Variants in HTR2C observed in about 807,000 individuals in gnomAD.
HTR2C encodes the protein 5-hydroxytryptamine (serotonin) receptor 2C, G protein-coupled.
In HTR2C, 5 loss-of-function variants were observed where a neutral mutation model predicts 21.0. The ratio of observed to expected loss-of-function variants is 0.24; its 90% CI spans 0.12 to 0.50. The LOEUF is 0.50. Ranked by LOEUF, HTR2C falls within the 20% of genes least tolerant of loss-of-function variation. HTR2C has a pLI of 0.98. For synonymous variants in HTR2C, 150 were observed against 145.3 expected (o/e 1.03, Z -0.23); for missense variants, 271 against 371.2 (o/e 0.73, Z 2.22).
At chrX:114,761,045 C>T (rs1460677538) in intron 4 of HTR2C, among the ~76,000 whole-genome samples, 1 of 111,018 alleles carries the variant, frequency 9.0e-6, no homozygotes, top group Non-Finnish European at 1.9e-5. Context: ...CATTTTTTTT[C>T]TTAATTAGAG....
In HTR2C at chrX:114,795,275, G is replaced by A. The variant is rs781902087; in HGVS notation, c.350-52728G>A. Among the ~76,000 whole-genome samples, 488 of 111,445 alleles carry A rather than the reference G, an allele frequency of 4.4e-3. 2 individuals carry two copies. Among genetic ancestry groups the A allele is most frequent in the African/African-American group, 0.015 (460 of 30,712 alleles). Reference sequence around the variant, plus strand: ...GATTCTGGATATTAGCCCTTTGTCAGATGAGCAGGTTGCAAAAATTTTCTC... The same window carrying A: ...GATTCTGGATATTAGCCCTTTGTCAAATGAGCAGGTTGCAAAAATTTTCTC... On this transcript the variant is annotated intron_variant, in intron 4 of 5. Transcript: ENST00000276198.
intron 2 of HTR2C, among the ~76,000 whole-genome samples, chrX:114,671,894 G>A (rs910105343): frequency 2.3e-4 from 26 of 111,311 alleles, no homozygotes; most frequent in Middle Eastern, 9.3e-3. Flanking sequence ...GTATTCACTC[G>A]CAACATACTT....
intron 4 of HTR2C, among the ~76,000 whole-genome samples, chrX:114,784,551 G>A (rs1182610234): frequency 9.1e-6 from 1 of 109,327 alleles, no homozygotes; most frequent in African/African-American, 3.3e-5. Context: ...ACGGTCCTTG[G>A]CTTGCAGATG....
intron 4 of HTR2C, among the ~76,000 whole-genome samples, chrX:114,749,572 A>C (rs782217487): frequency 5.5e-5 from 6 of 109,454 alleles, no homozygotes; most frequent in South Asian, 4.0e-4. Context: ...AGAGAATTGT[A>C]GGATCAAAAA....
intron 4 of HTR2C, among the ~76,000 whole-genome samples, chrX:114,792,840 G>GT (rs1469543721): frequency 1.8e-5 from 2 of 111,740 alleles, no homozygotes; most frequent in African/African-American, 6.5e-5. Flanking sequence ...TCTCATTGCG[G>GT]TTTTGATTTG....
At chrX:114,774,518 A>T (rs1360663601) in intron 4 of HTR2C, among the ~76,000 whole-genome samples, 1 of 112,103 alleles carries the variant, frequency 8.9e-6, no homozygotes, top group Non-Finnish European at 1.9e-5. Flanking sequence ...TAATTTATAC[A>T]AAATGTAAGT....
intron 4 of HTR2C, among the ~76,000 whole-genome samples, chrX:114,761,140 A>G (rs1384423900): frequency 9.0e-6 from 1 of 111,408 alleles, no homozygotes; most frequent in Non-Finnish European, 1.9e-5. Flanking sequence ...ATATAATTTT[A>G]AGATATTTAA....
chrX:114,586,665 T>G (rs1556389771), intron 1 of HTR2C, among the ~76,000 whole-genome samples: 1 of 111,277 alleles, frequency 9.0e-6, no homozygotes, highest in African/African-American at 3.3e-5. Context: ...GTGTCATGGA[T>G]GACAGTGATG....
In HTR2C at chrX:114,735,547, C is replaced by A. The variant is rs1020269565; in HGVS notation, c.349+3940C>A. On this transcript the variant is annotated intron_variant, in intron 4 of 5. Transcript: ENST00000276198. ...TTTATCTGTTCTAACAATCTGGAAACAATGCAACCAAAAATTAGGAAGAGA... is the reference window on the plus strand; with the variant it reads ...TTTATCTGTTCTAACAATCTGGAAAAAATGCAACCAAAAATTAGGAAGAGA... Among the ~76,000 whole-genome samples the A allele has an allele frequency of 3.6e-5, 4 of 110,062 alleles. No homozygotes were observed. The East Asian group carries it at 1.1e-3, about 32-fold the overall frequency.
At chrX:114,904,887 C>A (rs1022595914) in intron 5 of HTR2C, among the ~76,000 whole-genome samples, 3 of 40,712 alleles carry the variant, frequency 7.4e-5, no homozygotes, top group Non-Finnish European at 1.5e-4. Flanking sequence ...GCTTTCTTAA[C>A]TGCTTTTTTT....
At chrX:114,717,277 T>A (rs1933020530) in intron 2 of HTR2C, among the ~76,000 whole-genome samples, 1 of 111,587 alleles carries the variant, frequency 9.0e-6, no homozygotes, top group Non-Finnish European at 1.9e-5. Flanking sequence ...TTTGCCATTT[T>A]GTCCAGGCTG....
At chrX:114,654,549 T>C (rs1930710551) in intron 2 of HTR2C, among the ~76,000 whole-genome samples, 1 of 110,183 alleles carries the variant, frequency 9.1e-6, no homozygotes, top group Non-Finnish European at 1.9e-5. Context: ...GTTTTTCTTT[T>C]TTTTTTACTG....
At chrX:114,691,121 C>T (rs1014870962) in intron 2 of HTR2C, among the ~76,000 whole-genome samples, 2 of 111,075 alleles carry the variant, frequency 1.8e-5, no homozygotes, top group Admixed American at 1.9e-4. Flanking sequence ...CAAAGTCATA[C>T]AGTGAGAAAG....
At chrX:114,832,501 G>T (rs2070738717) in intron 4 of HTR2C, among the ~76,000 whole-genome samples, 1 of 30,468 alleles carries the variant, frequency 3.3e-5, no homozygotes, top group African/African-American at 7.1e-5. Flanking sequence ...CTCTCTGTTT[G>T]TCTGTTGTTG....
At chrX:114,868,220 A>ACTT (rs1472486659) in intron 5 of HTR2C, among the ~76,000 whole-genome samples, 7 of 109,440 alleles carry the variant, frequency 6.4e-5, no homozygotes, top group Non-Finnish European at 1.1e-4. Context: ...GAGATTTTTC[A>ACTT]CTTCTTTGGT....
intron 2 of HTR2C, among the ~76,000 whole-genome samples, chrX:114,650,577 C>T (rs920193368): frequency 8.9e-6 from 1 of 111,784 alleles, no homozygotes; most frequent in Non-Finnish European, 1.9e-5. Flanking sequence ...TGGAAGAGTT[C>T]CATCCTGATC....
At chrX:114,788,694 A>T (rs1556442693) in intron 4 of HTR2C, among the ~76,000 whole-genome samples, 1 of 111,525 alleles carries the variant, frequency 9.0e-6, no homozygotes, top group Admixed American at 9.6e-5. Context: ...GTTGTCCAAG[A>T]TGGAGTGCTA....
chrX:114,760,006 G>A (rs1363589807), intron 4 of HTR2C, among the ~76,000 whole-genome samples: 2 of 111,757 alleles, frequency 1.8e-5, no homozygotes, highest in Non-Finnish European at 3.8e-5. Context: ...GTAGAGGCAA[G>A]ACAGTAACAA....
chrX:114,882,022 A>G (rs2071185561), intron 5 of HTR2C, among the ~76,000 whole-genome samples: 1 of 110,402 alleles, frequency 9.1e-6, no homozygotes, highest in African/African-American at 3.3e-5. Flanking sequence ...TTCTTTCAAC[A>G]ATGTTTTATA....
Sources: gnomAD v4.1 joint callset for allele counts (sites outside exome capture counted in the v4.1 genomes callset) on GRCh38, gnomAD v4.1.1 for gene constraint, MANE v1.5 for transcripts, NCBI Gene and HGNC (gene_info 2026-07-23, HGNC 2026-07-21) for gene names.